The following VAX2 variants were observed in gnomAD, a reference collection of about 807,000 sequenced individuals.
The protein encoded by VAX2 is ventral anterior homeobox 2.
VAX2 carries 8 observed loss-of-function variants against 12.5 expected under a neutral mutation model. The ratio of observed to expected loss-of-function variants is 0.64; its 90% CI spans 0.37 to 1.15. The LOEUF (loss-of-function observed/expected upper bound fraction) is 1.15, where lower values mean the gene tolerates loss of function less well. Among genes scored for constraint, VAX2 ranks in the 50% most tolerant of loss-of-function variants. The pLI is 0.01. For missense variants in VAX2, 476 were observed against 412.9 expected, an observed-to-expected ratio of 1.15 and a Z score of -1.32; for synonymous variants, 183 against 187.6, an observed-to-expected ratio of 0.98 and a Z score of 0.20.
At position 70,900,630 on chromosome 2, in the gene VAX2, TG is replaced by T; in HGVS notation, c.14del (p.Gly5AlafsTer135). ...TGGCAGTGGCGGTCAGCATGGGCGA[TG>T]GGGGCGCCGAGCGCGACCGGGGCCC... MGD[G>X]GAERDRGPAR... is the part of the protein sequence containing the mutation. On this transcript the variant is annotated frameshift_variant, in exon 1 of 3. Coordinates refer to ENST00000234392, the MANE Select transcript of VAX2 (RefSeq NM_012476.3). LOFTEE classifies it high-confidence loss of function. The T allele has an allele frequency of 7.9e-7, 1 of 1,268,786 alleles. No homozygotes were observed. Among genetic ancestry groups the T allele is most frequent in the Admixed American group, 4.2e-5 (1 of 23,744 alleles). 78.6% of individuals were successfully genotyped at this position (1,268,786 alleles called of 1,614,324 possible).
chr2:70,918,663 G>A (rs996760462), intron 1 of VAX2, among the ~76,000 whole-genome samples: 4 of 152,118 alleles, frequency 2.6e-5, no homozygotes, highest in Non-Finnish European at 5.9e-5. Context: ...TTGGGTGTCC[G>A]AGGTGGGCAG....
rs869309305 is a variant in VAX2 at position 70,906,520 on chromosome 2, C to CTTTTTTTTTTTTTTTTTTTTTTTTTTTT, written c.247+5678_247+5679insTTTTTTTTTTTTTTTTTTTTTTTTTTTT. Among the ~76,000 whole-genome samples the CTTTTTTTTTTTTTTTTTTTTTTTTTTTT allele has an allele frequency of 6.6e-5, 4 of 60,604 alleles. 1 individual carries two copies. Among genetic ancestry groups the CTTTTTTTTTTTTTTTTTTTTTTTTTTTT allele is most frequent in the African/African-American group, 1.6e-4 (2 of 12,250 alleles). The allele number at this position is 60,604 out of a possible 152,430, so 39.8% of individuals were successfully genotyped here. On this transcript the variant is annotated intron_variant, in intron 1 of 2. Transcript: ENST00000234392. Reference sequence around the variant, plus strand: ...CTTTCTTTTTTTTTCTTTTCTTTTCCTTTTTTTTTTTTTTTTTTTTTTTTT... The same window carrying CTTTTTTTTTTTTTTTTTTTTTTTTTTTT: ...CTTTCTTTTTTTTTCTTTTCTTTTCCTTTTTTTTTTTTTTTTTTTTTTTTTTTTTTTTTTTTTTTTTTTTTTTTTTTTT...
At chr2:70,912,279 C>T (rs1181698958) in intron 1 of VAX2, among the ~76,000 whole-genome samples, 1 of 152,162 alleles carries the variant, frequency 6.6e-6, no homozygotes, top group African/African-American at 2.4e-5. Context: ...TCCCAATAAA[C>T]TTGAGAATGA....
intron 1 of VAX2, among the ~76,000 whole-genome samples, chr2:70,913,396 T>C (rs1679233626): frequency 1.3e-5 from 2 of 152,228 alleles, no homozygotes; most frequent in South Asian, 4.1e-4. Flanking sequence ...ATAAATTGCT[T>C]GAAGGCCGGG....
At chr2:70,922,599 G>A (rs1401742356) in intron 2 of VAX2, among the ~76,000 whole-genome samples, 1 of 151,940 alleles carries the variant, frequency 6.6e-6, no homozygotes, top group Admixed American at 6.5e-5. Flanking sequence ...ACTGAGAGTA[G>A]GGCAGAGGAA....
intron 2 of VAX2, among the ~76,000 whole-genome samples, chr2:70,928,097 G>GAC (rs1679612906): frequency 6.6e-6 from 1 of 152,224 alleles, no homozygotes; most frequent in Non-Finnish European, 1.5e-5. Context: ...GGGCAGGAGG[G>GAC]ACACATTCAG....
intron 2 of VAX2, among the ~76,000 whole-genome samples, chr2:70,923,131 C>T (rs1046591610): frequency 1.3e-5 from 2 of 152,132 alleles, no homozygotes; most frequent in Non-Finnish European, 2.9e-5. Flanking sequence ...GGCTCCTCGT[C>T]GTGCTTCACA....
intron 1 of VAX2, among the ~76,000 whole-genome samples, chr2:70,902,315 C>G (rs1371929065): frequency 2.0e-5 from 3 of 152,224 alleles, no homozygotes; most frequent in Non-Finnish European, 2.9e-5. Context: ...TAGGTGCTCA[C>G]TGCTACTCAT....
At chr2:70,907,176 G>A (rs1679079478) in intron 1 of VAX2, among the ~76,000 whole-genome samples, 1 of 152,244 alleles carries the variant, frequency 6.6e-6, no homozygotes, top group South Asian at 2.1e-4. Context: ...AAAGCATGAA[G>A]TTGACAACCC....
chr2:70,914,766 T>C (rs1295689569), intron 1 of VAX2, among the ~76,000 whole-genome samples: 1 of 152,082 alleles, frequency 6.6e-6, no homozygotes, highest in Non-Finnish European at 1.5e-5. Context: ...CCCAGATAAA[T>C]TACTTGACCA....
intron 1 of VAX2, among the ~76,000 whole-genome samples, chr2:70,913,777 C>T (rs1264008428): frequency 6.6e-6 from 1 of 152,084 alleles, no homozygotes; most frequent in Non-Finnish European, 1.5e-5. Flanking sequence ...GGAACAAATG[C>T]TTTTCTCTTT....
chr2:70,917,772 A>G (rs1325742768), intron 1 of VAX2, among the ~76,000 whole-genome samples: 5 of 151,940 alleles, frequency 3.3e-5, no homozygotes, highest in African/African-American at 4.8e-5. Context: ...TCTTGTATAA[A>G]GAGGGAAGGA....
At chr2:70,907,515 G>T (rs951365561) in intron 1 of VAX2, among the ~76,000 whole-genome samples, 3 of 152,260 alleles carry the variant, frequency 2.0e-5, no homozygotes, top group African/African-American at 4.8e-5. Flanking sequence ...TTGACGCCAC[G>T]GTTTCTTTAG....
At chr2:70,917,151 CAA>C (rs55909927) in intron 1 of VAX2, among the ~76,000 whole-genome samples, 1 of 82,676 alleles carries the variant, frequency 1.2e-5, no homozygotes, top group Admixed American at 1.5e-4. Flanking sequence ...AACTCTGTCT[CAA>C]AAAAAAAAAA....
chr2:70,914,186 A>T (rs1450134480), intron 1 of VAX2, among the ~76,000 whole-genome samples: 1 of 152,140 alleles, frequency 6.6e-6, no homozygotes, highest in Non-Finnish European at 1.5e-5. Flanking sequence ...GGTGGCTCAT[A>T]TCTGTAATCC....
intron 1 of VAX2, among the ~76,000 whole-genome samples, chr2:70,917,193 G>T (rs1406786292): frequency 6.7e-6 from 1 of 148,998 alleles, no homozygotes; most frequent in Non-Finnish European, 1.5e-5. Context: ...ATGGTGGCAG[G>T]TGCCTGTAAC....
chr2:70,910,516 A>G (rs6722245), intron 1 of VAX2, among the ~76,000 whole-genome samples: 120,124 of 151,986 alleles, frequency 0.79, 48,024 homozygotes, highest in African/African-American at 0.91. Context: ...CCCAACTCAG[A>G]ATATACTTAA....
At chr2:70,905,702 G>T (rs1679041243) in intron 1 of VAX2, among the ~76,000 whole-genome samples, 1 of 152,172 alleles carries the variant, frequency 6.6e-6, no homozygotes, top group South Asian at 2.1e-4. Context: ...TTCAGGGATG[G>T]TCCCCCAGGT....
intron 2 of VAX2, among the ~76,000 whole-genome samples, chr2:70,923,969 TA>T (rs1270429820): frequency 7.9e-5 from 12 of 152,064 alleles, no homozygotes; most frequent in Non-Finnish European, 1.3e-4. Flanking sequence ...ACCTTATCTC[TA>T]AAAAAAGTTT....
Sources: gnomAD v4.1 joint callset for allele counts (sites outside exome capture counted in the v4.1 genomes callset) on GRCh38, gnomAD v4.1.1 for gene constraint, MANE v1.5 for transcripts, NCBI Gene and HGNC (gene_info 2026-07-23, HGNC 2026-07-21) for gene names.